Variants in SAMMSON observed in about 807,000 individuals in gnomAD.
SAMMSON encodes the protein survival associated mitochondrial melanoma specific oncogenic non-coding RNA, also known as long intergenic non-protein coding RNA 1212.
intron 9 of SAMMSON, among the ~76,000 whole-genome samples, chr3:70,377,857 G>C (rs1313274307): frequency 6.6e-6 from 1 of 151,866 alleles, no homozygotes; most frequent in African/African-American, 2.4e-5. Context: ...AATTCAAAAG[G>C]CTAATAAACA....
At chr3:70,179,335 T>A (rs1701032672) in intron 4 of SAMMSON, among the ~76,000 whole-genome samples, 1 of 152,214 alleles carries the variant, frequency 6.6e-6, no homozygotes, top group African/African-American at 2.4e-5. Flanking sequence ...TGGTGTTTAA[T>A]ACAGACATTT....
At position 70,196,763 on chromosome 3, in the gene SAMMSON, G is replaced by A. The variant is rs12638939; in HGVS notation, n.508-52344G>A. 0.01 allele frequency: 4,053 copies of A among 395,060 alleles called. 221 individuals carry two copies. In the East Asian group the frequency reaches 0.12, roughly 12 times the overall value. The allele number at this position is 395,060 out of a possible 1,614,324, so 24.5% of individuals were successfully genotyped here. On this transcript the variant is annotated intron_variant and non_coding_transcript_variant, in intron 4 of 9. Coordinates refer to ENST00000642114, the Ensembl canonical transcript of SAMMSON. ...GTGAAATTTGGAATAAGACCATTGA[G>A]TTGATAATACTAGCTTTCCTAGACA...
chr3:70,103,728 G>T (rs991908548), intron 4 of SAMMSON, among the ~76,000 whole-genome samples: 1 of 151,974 alleles, frequency 6.6e-6, no homozygotes, highest in East Asian at 1.9e-4. Flanking sequence ...TTTTGTTATT[G>T]GAGGCTAAAA....
At chr3:70,059,089 G>C (rs774822250) in intron 3 of SAMMSON, among the ~76,000 whole-genome samples, 1 of 152,190 alleles carries the variant, frequency 6.6e-6, no homozygotes, top group Middle Eastern at 3.4e-3. Flanking sequence ...CAAGGAGCTC[G>C]TTCTACCAGA....
At chr3:70,136,667 T>C (rs1321750936) in intron 4 of SAMMSON, among the ~76,000 whole-genome samples, 7 of 152,200 alleles carry the variant, frequency 4.6e-5, no homozygotes, top group Non-Finnish European at 8.8e-5. Flanking sequence ...AATAGATAGC[T>C]GGTATAAACT....
At chr3:70,114,891 C>A (rs2067404160) in intron 4 of SAMMSON, among the ~76,000 whole-genome samples, 1 of 152,072 alleles carries the variant, frequency 6.6e-6, no homozygotes, top group South Asian at 2.1e-4. Flanking sequence ...TTGGGACATT[C>A]TTTTAGCATT....
intron 7 of SAMMSON, among the ~76,000 whole-genome samples, chr3:70,350,428 TG>T (rs1193186057): frequency 6.6e-6 from 1 of 152,122 alleles, no homozygotes; most frequent in African/African-American, 2.4e-5. Flanking sequence ...AGTATAGTAT[TG>T]GTATCTAAAA....
intron 7 of SAMMSON, among the ~76,000 whole-genome samples, chr3:70,338,306 G>A (rs1702682291): frequency 1.3e-5 from 2 of 151,738 alleles, no homozygotes; most frequent in Non-Finnish European, 2.9e-5. Flanking sequence ...ATATTCAAAA[G>A]CAAACAGGAG....
At chr3:70,045,038 A>AT (rs2067119510) in intron 3 of SAMMSON, among the ~76,000 whole-genome samples, 1 of 125,912 alleles carries the variant, frequency 7.9e-6, no homozygotes, top group African/African-American at 3.1e-5. Flanking sequence ...TATATATTAT[A>AT]ATTAATATAT....
chr3:70,420,235 C>G (rs1701300631), intron 2 of SAMMSON, among the ~76,000 whole-genome samples: 1 of 152,086 alleles, frequency 6.6e-6, no homozygotes, highest in Admixed American at 6.5e-5. Context: ...TTTCATGGCT[C>G]TTTCCACTGA....
intron 7 of SAMMSON, among the ~76,000 whole-genome samples, chr3:70,300,107 G>T (rs529487225): frequency 2.6e-5 from 4 of 152,014 alleles, no homozygotes; most frequent in Non-Finnish European, 4.4e-5. Flanking sequence ...TAGATGTGCT[G>T]CTTCCTACCT....
chr3:70,283,045 G>A (rs956200601), intron 6 of SAMMSON, among the ~76,000 whole-genome samples: 36 of 152,150 alleles, frequency 2.4e-4, no homozygotes, highest in African/African-American at 8.4e-4. Context: ...AAGACGTTGA[G>A]GCTAGTGACT....
At chr3:70,141,097 A>G (rs1185642814) in intron 4 of SAMMSON, among the ~76,000 whole-genome samples, 1 of 152,172 alleles carries the variant, frequency 6.6e-6, no homozygotes, top group Non-Finnish European at 1.5e-5. Flanking sequence ...CCAATTCCAA[A>G]GCTGCTTCCA....
rs1474380015 is a variant in SAMMSON, at chr3:70,028,110, T to TTCCTTCCTTCCTTCCTTCCC, written n.417+14441_417+14442insTTCCTTCCTTCCTTCCCTCC. 5.8e-4 allele frequency among the ~76,000 whole-genome samples: 85 copies of TTCCTTCCTTCCTTCCTTCCC among 145,428 alleles called. 1 individual carries two copies. Among genetic ancestry groups the TTCCTTCCTTCCTTCCTTCCC allele is most frequent in the African/African-American group, 2.1e-3 (78 of 37,526 alleles). ...TTTCCTTCCTTCCTTCCTTCCTTCC[T>TTCCTTCCTTCCTTCCTTCCC]TCCCTTCCTTCCTTCCGTCCCTTCC... On this transcript the variant is annotated intron_variant and non_coding_transcript_variant, in intron 3 of 9. Coordinates refer to ENST00000642114, the Ensembl canonical transcript of SAMMSON.
At chr3:70,125,319 T>A (rs2067452297) in intron 4 of SAMMSON, 1 of 1,390,852 alleles carries the variant, frequency 7.2e-7, no homozygotes, top group Admixed American at 1.8e-5. Flanking sequence ...TTAAGGTCCT[T>A]TTCTTGAACA....
chr3:70,015,528 G>A (rs2066979985), intron 3 of SAMMSON, among the ~76,000 whole-genome samples: 1 of 151,502 alleles, frequency 6.6e-6, no homozygotes. Context: ...TTGCATTGTT[G>A]ACATTTCCTG....
At chr3:70,141,014 T>G (rs1014874800) in intron 4 of SAMMSON, among the ~76,000 whole-genome samples, 7 of 150,042 alleles carry the variant, frequency 4.7e-5, no homozygotes, top group African/African-American at 1.5e-4. Flanking sequence ...GCAATGTAGG[T>G]TTTTTTTTGT....
At chr3:70,429,543 TAA>T (rs2106779087) in intron 2 of SAMMSON, among the ~76,000 whole-genome samples, 1 of 152,340 alleles carries the variant, frequency 6.6e-6, no homozygotes, top group South Asian at 2.1e-4. Context: ...ATTGAATCTA[TAA>T]ATTACTTTGG....
chr3:70,327,159 G>A (rs1702585736), intron 7 of SAMMSON, among the ~76,000 whole-genome samples: 1 of 152,108 alleles, frequency 6.6e-6, no homozygotes. Flanking sequence ...TGTCCAGCTG[G>A]ATGATGATAA....
Sources: gnomAD v4.1 joint callset for allele counts (sites outside exome capture counted in the v4.1 genomes callset) on GRCh38, gnomAD v4.1.1 for gene constraint, MANE v1.5 for transcripts, NCBI Gene and HGNC (gene_info 2026-07-23, HGNC 2026-07-21) for gene names.